PDIA6: variants seen among roughly 807,000 people sequenced by gnomAD.
The protein encoded by PDIA6 is protein disulfide isomerase family A member 6.
Under a neutral mutation model 58.4 loss-of-function variants are expected in PDIA6, and 29 were observed. That is an observed-to-expected ratio of 0.50 (90% confidence interval 0.37 to 0.68). The LOEUF is 0.68. Among genes scored for constraint, PDIA6 ranks in the 30% least tolerant of loss-of-function variants. The probability of loss-of-function intolerance (pLI) is 0.00; values close to 1 mark genes in which losing one functional copy is unlikely to be tolerated. For synonymous variants in PDIA6, 192 were observed against 202.6 expected, an observed-to-expected ratio of 0.95 and a Z score of 0.44; for missense variants, 480 against 551.0, an observed-to-expected ratio of 0.87 and a Z score of 1.29.
In PDIA6 at chr2:10,812,526, C is replaced by G. The variant is rs901491008; in HGVS notation, c.19+152G>C. 6.8e-6 allele frequency: 5 copies of G among 740,428 alleles called. No homozygotes were observed. In the South Asian group the frequency reaches 1.6e-4, roughly 24 times the overall value. 45.9% of individuals were successfully genotyped at this position (740,428 alleles called of 1,614,324 possible). A position where few individuals can be genotyped will look rare whatever the true frequency, so the allele number is the denominator to read the frequency against. ...CCGCACCTCCGCCGGGGCAACCTAGCAGCTCCTCCGGACGCCGAGGCCCGC... is the reference window on the plus strand; with the variant it reads ...CCGCACCTCCGCCGGGGCAACCTAGGAGCTCCTCCGGACGCCGAGGCCCGC... On this transcript the variant is annotated intron_variant, in intron 1 of 12. Transcript: ENST00000272227.
Position 10,790,806 on chromosome 2 carries a change from A to G in PDIA6, c.612T>C (p.Ala204=). 2 of 1,614,040 alleles carry G rather than the reference A, an allele frequency of 1.2e-6. No individual in the cohort carries two copies. Among genetic ancestry groups the G allele is most frequent in the Non-Finnish European group, 1.7e-6 (2 of 1,179,900 alleles). ...CTTTCGTCTGCTCTTTTACTTCTGA[A>G]GCTGCGGCAGCCCACTCTGGCTCTA... ...KNLEPEWAAA[A]SEVKEQTKGK... The change falls in exon 7 of 13, where the codon GCT becomes GCC. Residue 204 remains alanine, a synonymous_variant. Coordinates refer to ENST00000272227, the MANE Select transcript of PDIA6 (RefSeq NM_005742.4).
At chr2:10,800,121 C>T (rs765664440) in intron 2 of PDIA6, among the ~76,000 whole-genome samples, 3 of 152,166 alleles carry the variant, frequency 2.0e-5, no homozygotes, top group Non-Finnish European at 4.4e-5. Context: ...TTTTCATGAT[C>T]GCCACTATAG....
At chr2:10,834,844 G>A (rs569354381), upstream of PDIA6, among the ~76,000 whole-genome samples, 15 of 151,478 alleles carry the variant, frequency 9.9e-5, no homozygotes, top group African/African-American at 2.7e-4. Flanking sequence ...TTAGCTCACC[G>A]CAACCTCCGC....
chr2:10,802,979 C>T lies in PDIA6; in HGVS notation c.20-339G>A, dbSNP rs149374321. On this transcript the variant is annotated intron_variant, in intron 1 of 12. Coordinates refer to ENST00000272227, the MANE Select transcript of PDIA6 (RefSeq NM_005742.4). ...TACTACTGTCATTTTATGGCATGGA[C>T]GCTGAAAAATTGGGAGGTCACTTCT... Among the ~76,000 whole-genome samples, 41 of 152,276 alleles carry T rather than the reference C, an allele frequency of 2.7e-4. 2 individuals carry two copies. The East Asian group carries it at 6.4e-3, about 24-fold the overall frequency.
chr2:10,827,141 G>A (rs1187119952), intron 1 of PDIA6, among the ~76,000 whole-genome samples: 2 of 152,168 alleles, frequency 1.3e-5, no homozygotes, highest in African/African-American at 2.4e-5. Flanking sequence ...TCGGCTCACT[G>A]CAACCTCCGC....
At chr2:10,795,074 C>G (rs899543516) in intron 4 of PDIA6, among the ~76,000 whole-genome samples, 3 of 152,208 alleles carry the variant, frequency 2.0e-5, no homozygotes, top group Non-Finnish European at 2.9e-5. Context: ...GAAACAGCCT[C>G]TGCTCCTTAT....
rs537921891 is a variant in PDIA6, at chr2:10,784,006, A to G, written c.*252T>C. The G allele has an allele frequency of 1.0e-3, 328 of 319,742 alleles. 1 individual carries two copies. The highest frequency in any genetic ancestry group is 3.6e-3 in the Admixed American group (75 of 20,942). 19.8% of individuals were successfully genotyped at this position (319,742 alleles called of 1,614,324 possible). A position where few individuals can be genotyped will look rare whatever the true frequency, so the allele number is the denominator to read the frequency against. ...AGAGAGAAAAATGTTTCGACAGCCAAGTTTTCTTCAAAATATTATGTGACA... is the reference window on the plus strand; with the variant it reads ...AGAGAGAAAAATGTTTCGACAGCCAGGTTTTCTTCAAAATATTATGTGACA... On this transcript the variant is annotated 3_prime_UTR_variant, in exon 13 of 13. Transcript: ENST00000272227.
upstream of PDIA6, among the ~76,000 whole-genome samples, chr2:10,835,807 T>G (rs577055921): frequency 2.7e-4 from 41 of 152,210 alleles, no homozygotes; most frequent in East Asian, 7.1e-3. Context: ...ACCCAGCACT[T>G]TAGGAGACCG....
intron 5 of PDIA6, among the ~76,000 whole-genome samples, chr2:10,792,718 G>A (rs1035494328): frequency 3.7e-5 from 5 of 134,102 alleles, no homozygotes; most frequent in African/African-American, 1.3e-4. Context: ...GACTGCCACA[G>A]ATACAGGCCA....
Position 10,783,514 on chromosome 2 carries a change from A to G in PDIA6, c.*744T>C, listed in dbSNP as rs562708971. ...ACATAAATGCGAACTACCTGTTCGC[A>G]TTGGTAACCTGCTGCTGTATTTCAT... On this transcript the variant is annotated 3_prime_UTR_variant, in exon 13 of 13. Coordinates refer to ENST00000272227, the MANE Select transcript of PDIA6 (RefSeq NM_005742.4). The G allele has an allele frequency of 8.0e-6, 3 of 376,118 alleles. No homozygotes were observed. Among genetic ancestry groups the G allele is most frequent in the African/African-American group, 2.1e-5 (1 of 47,778 alleles). 23.3% of individuals were successfully genotyped at this position (376,118 alleles called of 1,614,324 possible).
Position 10,791,891 on chromosome 2 carries a change from A to G in PDIA6, c.488T>C (p.Ile163Thr), listed in dbSNP as rs1314089930. 21 of 1,613,934 alleles carry G rather than the reference A, an allele frequency of 1.3e-5. No homozygotes were observed. Among genetic ancestry groups the G allele is most frequent in the Admixed American group, 1.7e-5 (1 of 60,010 alleles). The change falls in exon 6 of 13, where the codon ATT (isoleucine) becomes ACT (threonine). Residue 163 changes from isoleucine (I) to threonine (T), a missense_variant. Ile to Thr is a moderately conservative substitution (Grantham distance 89). Coordinates refer to ENST00000272227, the MANE Select transcript of PDIA6 (RefSeq NM_005742.4). ...RSDSSSKKDV[I>T]ELTDDSFDKN... The stretch of plus-strand genomic sequence containing the variant: ...ATCAAAGCTGTCGTCTGTCAGCTCA[A>G]TCACATCCTTCTTACTTGAACTATC...
chr2:10,784,975 T>G lies in PDIA6; in HGVS notation c.1213A>C (p.Thr405Pro). 6.3e-7 allele frequency: 1 copy of G among 1,592,478 alleles called. No individual in the cohort carries two copies. Among genetic ancestry groups the G allele is most frequent in the South Asian group, 1.1e-5 (1 of 87,668 alleles). The change falls in exon 12 of 13, where the codon ACC (threonine) becomes CCC (proline). Residue 405 changes from threonine to proline, a missense_variant. By Grantham distance (38) the Thr-to-Pro change is conservative. Coordinates refer to ENST00000272227, the MANE Select transcript of PDIA6 (RefSeq NM_005742.4). ...TAPVGGGAFP[T>P]IVEREPWDGR... ...TCCCAAGGCTCTCTCTCAACGATGG[T>G]AGGGAAAGCCCCGCCTCCTACAGGT...
chr2:10,815,043 G>A (rs1022625947), upstream of PDIA6, among the ~76,000 whole-genome samples: 1 of 152,304 alleles, frequency 6.6e-6, no homozygotes, highest in South Asian at 2.1e-4. Flanking sequence ...AGCTGCACGA[G>A]GCACACACCC....
At chr2:10,808,705 T>C (rs1686424) in intron 1 of PDIA6, among the ~76,000 whole-genome samples, 74,212 of 152,016 alleles carry the variant, frequency 0.49, 19,664 homozygotes, top group South Asian at 0.58. Context: ...GGGGCTGCTC[T>C]CTCAGTAACA....
At chr2:10,828,858 A>G (rs569295987) in intron 1 of PDIA6, among the ~76,000 whole-genome samples, 1 of 152,172 alleles carries the variant, frequency 6.6e-6, no homozygotes, top group Admixed American at 6.5e-5. Flanking sequence ...TCCCAGGGGC[A>G]CTCCGGAAGC....
At chr2:10,830,429 C>G (rs1667677715) in intron 1 of PDIA6, among the ~76,000 whole-genome samples, 2 of 152,236 alleles carry the variant, frequency 1.3e-5, no homozygotes, top group Admixed American at 6.5e-5. Flanking sequence ...CTCTCGGGCA[C>G]CTTTTCCTGC....
At chr2:10,832,138 T>C (rs1572713147) in intron 1 of PDIA6, 1 of 146,400 alleles carries the variant, frequency 6.8e-6, no homozygotes, top group African/African-American at 2.5e-5. Context: ...TAGACAACAA[T>C]CCTGCCAGCA....
At chr2:10,820,722 G>T (rs1341281697) in intron 1 of PDIA6, 1 of 702,384 alleles carries the variant, frequency 1.4e-6, no homozygotes, top group Admixed American at 2.0e-5. Flanking sequence ...TGTATCAGCG[G>T]CACCAGCTGG....
upstream of PDIA6, among the ~76,000 whole-genome samples, chr2:10,814,433 C>G (rs1016583453): frequency 1.3e-5 from 2 of 152,172 alleles, no homozygotes; most frequent in African/African-American, 4.8e-5. Flanking sequence ...AACCGGTGAT[C>G]GCAGGGCTGT....
Sources: gnomAD v4.1 joint callset for allele counts (sites outside exome capture counted in the v4.1 genomes callset) on GRCh38, gnomAD v4.1.1 for gene constraint, MANE v1.5 for transcripts, NCBI Gene and HGNC (gene_info 2026-07-23, HGNC 2026-07-21) for gene names.